The following CHODL variants were observed in gnomAD, a reference collection of about 807,000 sequenced individuals.
CHODL encodes the protein transmembrane protein MT75.
Under a neutral mutation model 34.5 loss-of-function variants are expected in CHODL, and 29 were observed. The ratio of observed to expected loss-of-function variants is 0.84; its 90% confidence interval spans 0.63 to 1.15. The LOEUF is 1.15. Ranked by LOEUF, CHODL falls within the 50% of genes most tolerant of loss-of-function variation. The probability of loss-of-function intolerance (pLI) is 0.00; values close to 1 mark genes in which losing one functional copy is unlikely to be tolerated. For synonymous variants in CHODL, 125 were observed against 116.1 expected (o/e 1.08, Z -0.49); for missense variants, 332 against 332.5 (o/e 1.00, Z 0.01).
At chr21:17,979,721 C>T (rs1279811147) in intron 1 of CHODL, among the ~76,000 whole-genome samples, 4 of 152,076 alleles carry the variant, frequency 2.6e-5, no homozygotes, top group Non-Finnish European at 5.9e-5. Context: ...CGTTTCTTTC[C>T]TTGAGGAATT....
chr21:18,167,158 T>C (rs536701230), intron 2 of CHODL, among the ~76,000 whole-genome samples: 1 of 151,862 alleles, frequency 6.6e-6, no homozygotes, highest in African/African-American at 2.4e-5. Flanking sequence ...AATTTTAGAA[T>C]TGTTTAATCT....
chr21:17,950,525 CACACACACACTT>C (rs1341906660), intron 1 of CHODL, among the ~76,000 whole-genome samples: 16 of 125,840 alleles, frequency 1.3e-4, no homozygotes, highest in African/African-American at 4.8e-4. Flanking sequence ...CACACACACA[CACACACACACTT>C]CTTTAAAGCC....
At chr21:18,011,976 G>A (rs1022530284) in intron 1 of CHODL, among the ~76,000 whole-genome samples, 1 of 152,198 alleles carries the variant, frequency 6.6e-6, no homozygotes, top group African/African-American at 2.4e-5. Context: ...TGCCTACTAT[G>A]TGCAGGACAT....
chr21:18,240,516 A>G (rs1022080150), upstream of CHODL, among the ~76,000 whole-genome samples: 4 of 152,196 alleles, frequency 2.6e-5, no homozygotes, highest in Admixed American at 1.3e-4. Context: ...ATAAGGAGTT[A>G]GTCAATTATG....
intron 3 of CHODL, among the ~76,000 whole-genome samples, chr21:18,258,292 C>T (rs1159000626): frequency 1.3e-5 from 2 of 151,954 alleles, no homozygotes; most frequent in Non-Finnish European, 2.9e-5. Flanking sequence ...GCGCTTATGT[C>T]CTCTATTTTT....
At chr21:18,254,918 T>C (rs79685289) in intron 1 of CHODL, among the ~76,000 whole-genome samples, 6,461 of 152,164 alleles carry the variant, frequency 0.042, 444 homozygotes, top group African/African-American at 0.15. Context: ...ACTTCACAGA[T>C]GTTATTAGAG....
chr21:18,110,104 T>C (rs2065328668), intron 2 of CHODL, among the ~76,000 whole-genome samples: 1 of 152,224 alleles, frequency 6.6e-6, no homozygotes, highest in South Asian at 2.1e-4. Flanking sequence ...ATGTTGGAAA[T>C]AGCTTTGCTA....
chr21:18,068,431 A>C (rs965212834), intron 2 of CHODL, among the ~76,000 whole-genome samples: 14 of 152,168 alleles, frequency 9.2e-5, no homozygotes, highest in Admixed American at 3.3e-4. Flanking sequence ...TCCTGATCTC[A>C]GGTGATCCAC....
intron 1 of CHODL, chr21:17,917,493 TG>T (rs1378124822): frequency 6.9e-6 from 1 of 144,060 alleles, no homozygotes; most frequent in African/African-American, 2.6e-5. Flanking sequence ...TAAAATAACC[TG>T]GGGCTAGCGA....
intron 1 of CHODL, among the ~76,000 whole-genome samples, chr21:17,965,936 G>A (rs2063568843): frequency 6.9e-6 from 1 of 144,290 alleles, no homozygotes; most frequent in Non-Finnish European, 1.5e-5. Flanking sequence ...TTAAACAGGG[G>A]ACTTATTTTG....
At chr21:18,194,736 C>T (rs897268884) in intron 2 of CHODL, among the ~76,000 whole-genome samples, 11 of 152,046 alleles carry the variant, frequency 7.2e-5, no homozygotes, top group Admixed American at 7.2e-4. Flanking sequence ...TATCTATCAC[C>T]TTACATACTT....
chr21:18,178,319 G>A (rs2146672104), intron 2 of CHODL, among the ~76,000 whole-genome samples: 1 of 152,274 alleles, frequency 6.6e-6, no homozygotes, highest in African/African-American at 2.4e-5. Flanking sequence ...CTGCTTTGCA[G>A]TAGTTTGCTT....
At chr21:18,227,503 T>A (rs537418558) in intron 2 of CHODL, among the ~76,000 whole-genome samples, 121 of 152,286 alleles carry the variant, frequency 7.9e-4, no homozygotes, top group African/African-American at 2.9e-3. Flanking sequence ...GTAATACTCA[T>A]ATGAAGAAGA....
chr21:18,118,717 A>C (rs1394951776), intron 2 of CHODL, among the ~76,000 whole-genome samples: 1 of 152,142 alleles, frequency 6.6e-6, no homozygotes, highest in African/African-American at 2.4e-5. Context: ...ACTCATTTTG[A>C]ATTCCCCTAG....
At chr21:18,161,869 G>C (rs2073099525) in intron 2 of CHODL, among the ~76,000 whole-genome samples, 1 of 152,108 alleles carries the variant, frequency 6.6e-6, no homozygotes, top group Non-Finnish European at 1.5e-5. Flanking sequence ...TTCGTTCACT[G>C]GTAAATATTT....
chr21:18,062,530 C>G (rs2064680632), intron 2 of CHODL, among the ~76,000 whole-genome samples: 1 of 152,022 alleles, frequency 6.6e-6, no homozygotes, highest in African/African-American at 2.4e-5. Flanking sequence ...CTTTGGGAAG[C>G]CGAGGTGGGC....
chr21:18,060,182 T>G (rs154738), intron 2 of CHODL, among the ~76,000 whole-genome samples: 62,515 of 151,846 alleles, frequency 0.41, 13,713 homozygotes, highest in East Asian at 0.82. Context: ...TAGCCAGGCA[T>G]GGTGGCTCAT....
At chr21:18,052,881 G>A (rs780701284) in intron 2 of CHODL, among the ~76,000 whole-genome samples, 4 of 140,558 alleles carry the variant, frequency 2.8e-5, no homozygotes, top group African/African-American at 9.8e-5. Flanking sequence ...ATGTTTAAGC[G>A]AAGGGGTAAA....
At chr21:18,248,895 AATAC>A (rs1363644916) in intron 1 of CHODL, among the ~76,000 whole-genome samples, 5 of 114,608 alleles carry the variant, frequency 4.4e-5, no homozygotes, top group Admixed American at 1.0e-4. Context: ...CCTATAATAT[AATAC>A]ATATATATGT....
Sources: gnomAD v4.1 joint callset for allele counts (sites outside exome capture counted in the v4.1 genomes callset) on GRCh38, gnomAD v4.1.1 for gene constraint, MANE v1.5 for transcripts, NCBI Gene and HGNC (gene_info 2026-07-23, HGNC 2026-07-21) for gene names.